Variants in GRIA1 observed in about 807,000 individuals in gnomAD.
GRIA1 encodes glutamate ionotropic receptor AMPA type subunit 1, also known as glutamate receptor 1.
Under a neutral mutation model 99.2 loss-of-function variants are expected in GRIA1, and 31 were observed. The ratio of observed to expected loss-of-function variants is 0.31; its 90% CI spans 0.23 to 0.42. GRIA1 has a LOEUF of 0.42. Among genes scored for constraint, GRIA1 ranks in the 10% least tolerant of loss-of-function variants. GRIA1 has a pLI of 1.00. For missense variants in GRIA1, 782 were observed against 1,157.5 expected, an observed-to-expected ratio of 0.68 and a Z score of 4.71; for synonymous variants, 438 against 432.4, an observed-to-expected ratio of 1.01 and a Z score of -0.16.
At chr5:153,577,042 G>GTGGATGGA (rs201687983) in intron 2 of GRIA1, among the ~76,000 whole-genome samples, 5,874 of 104,218 alleles carry the variant, frequency 0.056, 413 homozygotes, top group African/African-American at 0.11. Flanking sequence ...AGATGAATGG[G>GTGGATGGA]TGGATGGATG....
chr5:153,585,892 T>A (rs1007180249), intron 2 of GRIA1, among the ~76,000 whole-genome samples: 2 of 152,144 alleles, frequency 1.3e-5, no homozygotes, highest in African/African-American at 4.8e-5. Context: ...TTTAGTGTCA[T>A]CCTACACAGT....
At chr5:153,667,910 A>G (rs1387766567) in intron 5 of GRIA1, among the ~76,000 whole-genome samples, 1 of 152,240 alleles carries the variant, frequency 6.6e-6, no homozygotes, top group Non-Finnish European at 1.5e-5. Flanking sequence ...TTTGAAAATT[A>G]TAATTGGCAT....
intron 2 of GRIA1, among the ~76,000 whole-genome samples, chr5:153,620,669 G>T (rs10515695): frequency 9.9e-5 from 15 of 151,952 alleles, no homozygotes; most frequent in Non-Finnish European, 1.6e-4. Flanking sequence ...TATCAGACTA[G>T]GGTTTTAAAA....
intron 15 of GRIA1, among the ~76,000 whole-genome samples, chr5:153,809,440 A>G (rs1766660916): frequency 1.3e-5 from 2 of 152,210 alleles, no homozygotes; most frequent in Non-Finnish European, 2.9e-5. Flanking sequence ...CATGGATTTT[A>G]AAAAGAACAT....
chr5:153,799,194 C>T (rs796937252), intron 14 of GRIA1, among the ~76,000 whole-genome samples: 6 of 152,252 alleles, frequency 3.9e-5, no homozygotes, highest in African/African-American at 1.2e-4. Flanking sequence ...CCCCTGTCCC[C>T]GATCACAGCT....
chr5:153,623,311 A>G (rs190898262), intron 2 of GRIA1, among the ~76,000 whole-genome samples: 8 of 152,306 alleles, frequency 5.3e-5, no homozygotes, highest in African/African-American at 1.4e-4. Context: ...CCTGCAGTAC[A>G]GAGTACTGCC....
chr5:153,497,899 A>G (rs1184120147), intron 2 of GRIA1, among the ~76,000 whole-genome samples: 1 of 152,222 alleles, frequency 6.6e-6, no homozygotes, highest in Non-Finnish European at 1.5e-5. Context: ...TGTAAGTGCT[A>G]TAGCAGCAAT....
intron 2 of GRIA1, among the ~76,000 whole-genome samples, chr5:153,619,691 A>AT (rs1213736784): frequency 4.0e-5 from 6 of 150,728 alleles, no homozygotes; most frequent in African/African-American, 1.2e-4. Context: ...CAACAAAATT[A>AT]TTTTAAAAAA....
chr5:153,612,779 G>T (rs977657011), intron 2 of GRIA1, among the ~76,000 whole-genome samples: 1 of 152,106 alleles, frequency 6.6e-6, no homozygotes, highest in Non-Finnish European at 1.5e-5. Flanking sequence ...TGCAAGCTTC[G>T]TAGGATACCC....
intron 2 of GRIA1, among the ~76,000 whole-genome samples, chr5:153,624,505 A>T (rs1455011338): frequency 3.3e-5 from 5 of 152,176 alleles, no homozygotes. Flanking sequence ...GAGATGGGGG[A>T]GGAGCTTTCC....
chr5:153,627,293 C>G (rs1581360204), intron 2 of GRIA1, among the ~76,000 whole-genome samples: 1 of 152,306 alleles, frequency 6.6e-6, no homozygotes, highest in Admixed American at 6.5e-5. Flanking sequence ...ACTATTATTT[C>G]CATAATACAG....
intron 2 of GRIA1, among the ~76,000 whole-genome samples, chr5:153,544,565 G>A (rs1325146726): frequency 6.6e-6 from 1 of 152,154 alleles, no homozygotes; most frequent in Non-Finnish European, 1.5e-5. Context: ...CAGATTTACA[G>A]ACATTACCAA....
chr5:153,546,561 C>G (rs1313688235), intron 2 of GRIA1, among the ~76,000 whole-genome samples: 1 of 152,116 alleles, frequency 6.6e-6, no homozygotes, highest in Non-Finnish European at 1.5e-5. Flanking sequence ...CCACAAGCAT[C>G]ATCTCAAGTT....
At chr5:153,695,840 T>C (rs941408995) in intron 8 of GRIA1, among the ~76,000 whole-genome samples, 2 of 152,198 alleles carry the variant, frequency 1.3e-5, no homozygotes, top group African/African-American at 4.8e-5. Flanking sequence ...TCAGCATCGA[T>C]AGGGTGCACC....
intron 11 of GRIA1, among the ~76,000 whole-genome samples, chr5:153,721,053 G>C (rs1200208517): frequency 1.3e-5 from 2 of 152,160 alleles, no homozygotes; most frequent in Admixed American, 1.3e-4. Context: ...ATGGGAAAAA[G>C]GGGAGACACA....
chr5:153,558,016 T>C (rs1760805143), intron 2 of GRIA1: 1 of 152,228 alleles, frequency 6.6e-6, no homozygotes, highest in Non-Finnish European at 1.5e-5. Context: ...TTATGTACTG[T>C]ACATGACTGT....
chr5:153,787,814 A>G (rs184025292), intron 13 of GRIA1, among the ~76,000 whole-genome samples: 13 of 152,236 alleles, frequency 8.5e-5, no homozygotes, highest in Admixed American at 6.5e-4. Context: ...TCTAACAGGC[A>G]TCTTAAATTT....
At chr5:153,747,291 G>A (rs77018613) in intron 11 of GRIA1, among the ~76,000 whole-genome samples, 3,494 of 152,176 alleles carry the variant, frequency 0.023, 121 homozygotes, top group African/African-American at 0.077. Context: ...TGCCAAGCTC[G>A]TTTAAACAAC....
At chr5:153,686,643 C>T (rs1051472764) in intron 8 of GRIA1, among the ~76,000 whole-genome samples, 1 of 152,182 alleles carries the variant, frequency 6.6e-6, no homozygotes, top group African/African-American at 2.4e-5. Flanking sequence ...GTATAAAATG[C>T]CACTCCCATT....
Sources: allele counts gnomAD v4.1 joint callset (sites outside exome capture counted in the v4.1 genomes callset), GRCh38; gene constraint gnomAD v4.1.1; transcripts MANE v1.5; gene names NCBI Gene and HGNC (gene_info 2026-07-23, HGNC 2026-07-21).